Variants in PIGL observed in about 807,000 individuals in gnomAD.
PIGL encodes the protein N-acetylglucosaminyl-phosphatidylinositol de-N-acetylase.
PIGL carries 22 observed loss-of-function variants against 31.1 expected under a neutral mutation model. That is an observed-to-expected ratio of 0.71 (90% confidence interval 0.51 to 1.01). PIGL has a LOEUF of 1.01. PIGL is among the 50% of genes least tolerant of loss of function. PIGL has a pLI of 0.00. For synonymous variants in PIGL, 131 were observed against 117.4 expected (o/e 1.12, Z -0.75); for missense variants, 302 against 315.9 (o/e 0.96, Z 0.33).
At position 16,286,550 on chromosome 17, in the gene PIGL, CACA is replaced by C. The variant is rs2092938690; in HGVS notation, c.336-13335_336-13333del. Among the ~76,000 whole-genome samples the C allele has an allele frequency of 5.9e-5, 9 of 152,240 alleles. No homozygotes were observed. The South Asian group carries it at 1.7e-3, about 28-fold the overall frequency. ...ATATTCAGCCAGTGGGGGAAAAAAC[CACA>C]ACGTTATTTTAATGAACGCTTTTAG... On this transcript the variant is annotated intron_variant, in intron 2 of 6. Coordinates refer to ENST00000225609, the MANE Select transcript of PIGL (RefSeq NM_004278.4).
At chr17:16,227,255 C>T (rs778636270) in intron 1 of PIGL, among the ~76,000 whole-genome samples, 67 of 151,154 alleles carry the variant, frequency 4.4e-4, no homozygotes, top group Admixed American at 4.6e-4. Flanking sequence ...ATTACAGGCG[C>T]GTGCCACCAT....
Position 16,270,246 on chromosome 17 carries a change from A to G in PIGL, c.336-29642A>G, listed in dbSNP as rs191180805. 5.2e-3 allele frequency among the ~76,000 whole-genome samples: 781 copies of G among 150,552 alleles called. 7 individuals carry two copies. The highest frequency in any genetic ancestry group is 0.018 in the African/African-American group (731 of 40,956). On this transcript the variant is annotated intron_variant, in intron 2 of 6. Coordinates refer to ENST00000225609, the MANE Select transcript of PIGL (RefSeq NM_004278.4). ...GGAGGTTGCAGTGAGCCGAGCTTGC[A>G]CCACTGCACTCCAGCCTGGGTGACA...
chr17:16,297,873 C>G (rs1390756891), intron 2 of PIGL, among the ~76,000 whole-genome samples: 2 of 152,206 alleles, frequency 1.3e-5, no homozygotes, highest in African/African-American at 4.8e-5. Flanking sequence ...CAGACCAGTA[C>G]AGGTCCGTGG....
intron 2 of PIGL, among the ~76,000 whole-genome samples, chr17:16,270,374 G>T (rs763268419): frequency 1.1e-4 from 17 of 151,424 alleles, no homozygotes; most frequent in Non-Finnish European, 2.4e-4. Flanking sequence ...TCATTGTCCT[G>T]CCCGTGTTCT....
intron 2 of PIGL, among the ~76,000 whole-genome samples, chr17:16,258,332 A>T (rs1417497606): frequency 6.7e-6 from 1 of 150,106 alleles, no homozygotes; most frequent in Non-Finnish European, 1.5e-5. Flanking sequence ...GGTGCCTGCC[A>T]CCACACCTGG....
At chr17:16,285,110 C>G (rs1208346138) in intron 2 of PIGL, among the ~76,000 whole-genome samples, 3 of 152,178 alleles carry the variant, frequency 2.0e-5, no homozygotes, top group Non-Finnish European at 2.9e-5. Context: ...GGTGAGACAC[C>G]ACACCTGGCC....
At chr17:16,272,391 A>AT (rs997743095) in intron 2 of PIGL, among the ~76,000 whole-genome samples, 6 of 152,056 alleles carry the variant, frequency 3.9e-5, no homozygotes, top group Admixed American at 3.9e-4. Flanking sequence ...GGAAATTTTC[A>AT]TTTGCCTCTA....
chr17:16,319,749 C>T (rs1361238999), intron 6 of PIGL, among the ~76,000 whole-genome samples: 4 of 147,738 alleles, frequency 2.7e-5, no homozygotes, highest in Middle Eastern at 3.5e-3. Context: ...AGCGAGACTC[C>T]GTCTCCAAAA....
intron 2 of PIGL, among the ~76,000 whole-genome samples, chr17:16,245,547 G>A (rs765367747): frequency 4.0e-5 from 6 of 149,614 alleles, no homozygotes; most frequent in South Asian, 2.1e-4. Flanking sequence ...TTGCTCTATC[G>A]CCAGGCTGGA....
intron 1 of PIGL, among the ~76,000 whole-genome samples, chr17:16,219,329 G>C (rs2092615232): frequency 6.6e-6 from 1 of 151,898 alleles, no homozygotes; most frequent in Non-Finnish European, 1.5e-5. Flanking sequence ...CAAAGTGCTG[G>C]GATTACAGGC....
At chr17:16,297,537 C>G (rs1184097141) in intron 2 of PIGL, among the ~76,000 whole-genome samples, 1 of 152,188 alleles carries the variant, frequency 6.6e-6, no homozygotes, top group Non-Finnish European at 1.5e-5. Context: ...AACCTCTCAG[C>G]CAGGAGTATG....
intron 2 of PIGL, among the ~76,000 whole-genome samples, chr17:16,276,269 T>G (rs565789427): frequency 8.2e-4 from 125 of 152,310 alleles, no homozygotes; most frequent in Non-Finnish European, 1.5e-3. Flanking sequence ...CAAGTTGATA[T>G]GGGGTCACTA....
chr17:16,217,552 C>G (rs1440757718), intron 1 of PIGL, 91 bp downstream of exon 1: 15 of 1,006,720 alleles, frequency 1.5e-5, no homozygotes, highest in Non-Finnish European at 2.1e-5. Flanking sequence ...TCGAAGTTTT[C>G]CGTAGGGAGC....
chr17:16,228,184 T>C (rs2092661369), intron 1 of PIGL, among the ~76,000 whole-genome samples: 1 of 151,118 alleles, frequency 6.6e-6, no homozygotes, highest in African/African-American at 2.4e-5. Context: ...CCTGAATAGC[T>C]GGGATTACAG....
intron 2 of PIGL, among the ~76,000 whole-genome samples, chr17:16,247,787 T>C (rs1224966934): frequency 1.3e-5 from 2 of 152,250 alleles, no homozygotes; most frequent in Admixed American, 6.5e-5. Context: ...CTGGCTGTTA[T>C]TGAGGTGGTT....
chr17:16,245,458 G>A (rs11078336), intron 2 of PIGL, among the ~76,000 whole-genome samples: 151,092 of 151,810 alleles, frequency 1, 75,216 homozygotes, highest in Middle Eastern at 1. Flanking sequence ...GATATTTTCA[G>A]TTTAGGATGG....
At chr17:16,266,356 T>C (rs1600799887) in intron 2 of PIGL, among the ~76,000 whole-genome samples, 1 of 118,970 alleles carries the variant, frequency 8.4e-6, no homozygotes, top group Admixed American at 1.1e-4. Flanking sequence ...GCCATTGCAC[T>C]CCAGACTGGG....
At chr17:16,285,173 G>A (rs8069679) in intron 2 of PIGL, among the ~76,000 whole-genome samples, 7,688 of 152,234 alleles carry the variant, frequency 0.051, 659 homozygotes, top group African/African-American at 0.17. Flanking sequence ...CAAGCTTTAT[G>A]TACTTTATTT....
chr17:16,316,831 G>T, intron 5 of PIGL, 119 bp downstream of exon 5: 1 of 1,527,620 alleles, frequency 6.5e-7, no homozygotes, highest in Non-Finnish European at 8.9e-7. Context: ...AGTGGTTGGG[G>T]AGGCCGCCAC....
Sources: allele counts gnomAD v4.1 joint callset (sites outside exome capture counted in the v4.1 genomes callset), GRCh38; gene constraint gnomAD v4.1.1; transcripts MANE v1.5; gene names NCBI Gene and HGNC (gene_info 2026-07-23, HGNC 2026-07-21).